Variants in CCDC171 observed in about 807,000 individuals in gnomAD.
CCDC171 encodes coiled-coil domain-containing protein 171.
Under a neutral mutation model 168.2 loss-of-function variants are expected in CCDC171, and 177 were observed. The ratio of observed to expected loss-of-function variants is 1.05; its 90% CI spans 0.93 to 1.19. The LOEUF (loss-of-function observed/expected upper bound fraction) is 1.19. CCDC171 is among the 50% of genes most tolerant of loss of function. The pLI is 0.00. For synonymous variants in CCDC171, 687 were observed against 540.8 expected, an observed-to-expected ratio of 1.27 and a Z score of -3.75; for missense variants, 1,991 against 1,539.0, an observed-to-expected ratio of 1.29 and a Z score of -4.91.
chr9:15,931,403 A>G (rs1169116735), intron 25 of CCDC171, among the ~76,000 whole-genome samples: 3 of 113,926 alleles, frequency 2.6e-5, no homozygotes, highest in Non-Finnish European at 5.7e-5. Context: ...AGAACTGTCT[A>G]TTCAGGTCTT....
intron 3 of CCDC171, among the ~76,000 whole-genome samples, chr9:15,980,409 G>T (rs1336115494): frequency 1.3e-5 from 2 of 152,132 alleles, no homozygotes; most frequent in Admixed American, 1.3e-4. Context: ...TCCAGCAAAT[G>T]GTTCAGAAAG....
At chr9:16,043,132 G>A (rs912679939) in intron 1 of CCDC171, among the ~76,000 whole-genome samples, 3 of 152,096 alleles carry the variant, frequency 2.0e-5, no homozygotes, top group Admixed American at 2.0e-4. Context: ...TGAAGCCAGA[G>A]AGGTTGGGGA....
intron 4 of CCDC171, among the ~76,000 whole-genome samples, chr9:15,582,574 TATATAC>T (rs1446130455): frequency 2.6e-5 from 4 of 152,164 alleles, no homozygotes; most frequent in African/African-American, 9.6e-5. Context: ...ATATGGCACA[TATATAC>T]ACCATGGAAT....
At chr9:15,606,690 A>G (rs2043253010) in intron 6 of CCDC171, among the ~76,000 whole-genome samples, 1 of 152,208 alleles carries the variant, frequency 6.6e-6, no homozygotes, top group South Asian at 2.1e-4. Flanking sequence ...TTATATGAGT[A>G]TATATAAAGA....
At chr9:15,989,347 C>T (rs1832108683) in intron 3 of CCDC171, among the ~76,000 whole-genome samples, 1 of 152,320 alleles carries the variant, frequency 6.6e-6, no homozygotes, top group East Asian at 1.9e-4. Context: ...CAAACTCCAA[C>T]AGACCTGCAG....
chr9:16,038,866 CAAAA>C (rs375463651), upstream of CCDC171, among the ~76,000 whole-genome samples: 3 of 50,420 alleles, frequency 6.0e-5, no homozygotes, highest in African/African-American at 1.5e-4. Context: ...CCTATCAGGC[CAAAA>C]AAAAAAAAAA....
chr9:15,678,810 G>C lies in CCDC171; in HGVS notation c.1129G>C (p.Glu377Gln), dbSNP rs1463910331. 1.9e-6 allele frequency: 3 copies of C among 1,595,444 alleles called. No individual in the cohort carries two copies. Among genetic ancestry groups the C allele is most frequent in the Non-Finnish European group, 8.5e-7 (1 of 1,171,790 alleles). The change falls in exon 10 of 26, where the codon GAA (glutamate) becomes CAA (glutamine). Residue 377 changes from glutamate to glutamine, a missense_variant. Coordinates refer to ENST00000380701, the MANE Select transcript of CCDC171 (RefSeq NM_173550.4). ...TAAGAAACTAAATGAAGACATCGAGGAACAGAAGAAAGTAATTATAGACCT... is the reference window on the plus strand; with the variant it reads ...TAAGAAACTAAATGAAGACATCGAGCAACAGAAGAAAGTAATTATAGACCT... ...KNKKLNEDIEEQKKVIIDLSK... is the reference protein window; with the variant it reads ...KNKKLNEDIEQQKKVIIDLSK...
At chr9:15,690,156 C>A (rs572011503) in intron 10 of CCDC171, among the ~76,000 whole-genome samples, 2 of 152,084 alleles carry the variant, frequency 1.3e-5, no homozygotes, top group Non-Finnish European at 2.9e-5. Context: ...TGTGGCACAT[C>A]TTTTAGTAGG....
Position 15,614,447 on chromosome 9 carries a change from T to C in CCDC171, c.676-8820T>C, listed in dbSNP as rs867194250. ...CATATCTCACTATTCTTATTGAGAT[T>C]CAATTGATTTCCCTGAATAAATGCT... On this transcript the variant is annotated intron_variant, in intron 6 of 25. Coordinates refer to ENST00000380701, the MANE Select transcript of CCDC171 (RefSeq NM_173550.4). 1.3e-3 allele frequency among the ~76,000 whole-genome samples: 192 copies of C among 152,360 alleles called. 1 individual carries two copies. Among genetic ancestry groups the C allele is most frequent in the African/African-American group, 4.5e-3 (186 of 41,594 alleles).
chr9:15,633,297 A>G lies in CCDC171; in HGVS notation c.822+9884A>G, dbSNP rs185942983. On this transcript the variant is annotated intron_variant, in intron 7 of 25. Coordinates refer to ENST00000380701, the MANE Select transcript of CCDC171 (RefSeq NM_173550.4). ...ATCTGACAAAGGGCTAATATCCAGA[A>G]TCTACAATGAACTCAAACAAATTTA... Among the ~76,000 whole-genome samples, 267 of 152,332 alleles carry G rather than the reference A, an allele frequency of 1.8e-3. 2 individuals carry two copies. The highest frequency in any genetic ancestry group is 6.0e-3 in the African/African-American group (250 of 41,576).
chr9:16,065,624 C>T (rs1833982439), downstream of CCDC171, among the ~76,000 whole-genome samples: 1 of 152,092 alleles, frequency 6.6e-6, no homozygotes, highest in Admixed American at 6.6e-5. Flanking sequence ...GAGGATTAGA[C>T]CAGGTATTTG....
chr9:15,851,396 T>C (rs1253879638), intron 23 of CCDC171, among the ~76,000 whole-genome samples: 1 of 147,898 alleles, frequency 6.8e-6, no homozygotes, highest in Non-Finnish European at 1.5e-5. Flanking sequence ...CAGTTTTTAA[T>C]GTAGGTCAGA....
At chr9:15,776,130 T>G (rs188053045) in intron 18 of CCDC171, 1 of 152,242 alleles carries the variant, frequency 6.6e-6, no homozygotes, top group African/African-American at 2.4e-5. Flanking sequence ...TTAGTTCTTT[T>G]TCATCCATTG....
intron 6 of CCDC171, among the ~76,000 whole-genome samples, chr9:15,618,752 G>A (rs187745448): frequency 1.3e-5 from 2 of 152,062 alleles, no homozygotes; most frequent in Admixed American, 1.3e-4. Flanking sequence ...CTGGCTGGCT[G>A]GGGGAGGGAG....
intron 4 of CCDC171, among the ~76,000 whole-genome samples, chr9:15,585,249 C>G (rs1463500377): frequency 6.6e-6 from 1 of 152,002 alleles, no homozygotes; most frequent in East Asian, 1.9e-4. Context: ...TATTATTTCC[C>G]CATGAGAAAG....
chr9:15,600,755 AG>A (rs1179842350), intron 6 of CCDC171, among the ~76,000 whole-genome samples: 2 of 152,212 alleles, frequency 1.3e-5, no homozygotes, highest in African/African-American at 4.8e-5. Flanking sequence ...AGAGGCAGGC[AG>A]GCCTCCTTGA....
chr9:15,701,092 G>GT (rs1034731713), intron 11 of CCDC171, among the ~76,000 whole-genome samples: 1 of 152,028 alleles, frequency 6.6e-6, no homozygotes, highest in African/African-American at 2.4e-5. Context: ...TCGTTTGGGT[G>GT]TTTTTTTGCT....
chr9:15,626,037 C>A (rs1028699725), intron 7 of CCDC171, among the ~76,000 whole-genome samples: 10 of 152,060 alleles, frequency 6.6e-5, no homozygotes, highest in Non-Finnish European at 1.5e-4. Flanking sequence ...CCTTCACATC[C>A]CTTGTAAGTT....
chr9:16,099,594 G>A, the CCDC171 span, among the ~76,000 whole-genome samples: 305 of 152,322 alleles, frequency 2.0e-3, 1 homozygote, highest in Middle Eastern at 3.4e-3. Context: ...TCTCTGAGAA[G>A]CAGCTTGTGG....
Sources: allele counts gnomAD v4.1 joint callset (sites outside exome capture counted in the v4.1 genomes callset), GRCh38; gene constraint gnomAD v4.1.1; transcripts MANE v1.5; gene names NCBI Gene and HGNC (gene_info 2026-07-23, HGNC 2026-07-21).